Variants in DAB2IP observed in about 807,000 individuals in gnomAD.
The protein encoded by DAB2IP is disabled homolog 2-interacting protein.
A neutral mutation model predicts 107.2 loss-of-function variants in DAB2IP; 28 were observed. The ratio of observed to expected loss-of-function variants is 0.26; its 90% CI spans 0.19 to 0.36. The LOEUF (loss-of-function observed/expected upper bound fraction) is 0.36, where lower values mean the gene tolerates loss of function less well. Among genes scored for constraint, DAB2IP ranks in the 10% least tolerant of loss-of-function variants. DAB2IP has a pLI of 1.00. For missense variants in DAB2IP, 1,400 were observed against 1,644.7 expected, an observed-to-expected ratio of 0.85 and a Z score of 2.57; for synonymous variants, 755 against 706.4, an observed-to-expected ratio of 1.07 and a Z score of -1.09.
rs1440857421 is a variant in DAB2IP at position 121,760,068 on chromosome 9, C to T, written c.799C>T (p.Pro267Ser). Reference sequence around the variant, plus strand: ...GCACTTCGAGTTCCACAACTTGCCGCCTCTGCGCACGGTCACTGTCCACCT... The same window carrying T: ...GCACTTCGAGTTCCACAACTTGCCGTCTCTGCGCACGGTCACTGTCCACCT... The change falls in exon 6 of 16, where the codon CCT becomes TCT. Residue 267 changes from proline (P) to serine (S), a missense_variant. Around this residue, in one of 3 missense-constraint regions of DAB2IP, gnomAD observed 517 missense variants for 748.6 expected, o/e 0.69. Coordinates refer to ENST00000408936, the Ensembl canonical transcript of DAB2IP. The surrounding 1 kb of genome is among the most constrained non-coding windows in gnomAD (Gnocchi z 5.9). 3.7e-6 allele frequency: 6 copies of T among 1,614,086 alleles called. No individual in the cohort carries two copies. In the South Asian group the frequency reaches 6.6e-5, roughly 18 times the overall value.
At chr9:121,690,272 G>A (rs1000510028) in intron 2 of DAB2IP, among the ~76,000 whole-genome samples, 9 of 152,080 alleles carry the variant, frequency 5.9e-5, no homozygotes, top group Non-Finnish European at 1.0e-4. Flanking sequence ...TTTTGCTGGG[G>A]AATGAGCACT....
chr9:121,569,725 G>A (rs1829889679), intron 1 of DAB2IP, among the ~76,000 whole-genome samples: 1 of 152,204 alleles, frequency 6.6e-6, no homozygotes, highest in Non-Finnish European at 1.5e-5. Flanking sequence ...GGAGGCTGAG[G>A]CATAAGAACC....
At chr9:121,769,617 A>G (rs1414236739) in intron 10 of DAB2IP, among the ~76,000 whole-genome samples, 1 of 152,188 alleles carries the variant, frequency 6.6e-6, no homozygotes, top group Non-Finnish European at 1.5e-5. Context: ...TCCTGTTGCA[A>G]TCAAAGGCCA....
intron 10 of DAB2IP, among the ~76,000 whole-genome samples, chr9:121,769,426 C>G (rs1475870835): frequency 1.3e-5 from 2 of 152,348 alleles, no homozygotes; most frequent in African/African-American, 4.8e-5. Context: ...AAAGCAAGAA[C>G]ATACTGTGTA....
Position 121,776,118 on chromosome 9 carries a change from C to G in DAB2IP, c.3121-80C>G. Reference sequence around the variant, plus strand: ...GCCTTTCAAGTGGGGCTCCCTCCTACCCTTCCTCCCACTCGGGCTGACGAA... The same window carrying G: ...GCCTTTCAAGTGGGGCTCCCTCCTAGCCTTCCTCCCACTCGGGCTGACGAA... On this transcript the variant is annotated intron_variant, in intron 13 of 15. Coordinates refer to ENST00000408936, the Ensembl canonical transcript of DAB2IP. The surrounding 1 kb of genome is among the most constrained non-coding windows in gnomAD (Gnocchi z 5.4). The G allele has an allele frequency of 6.7e-7, 1 of 1,501,118 alleles. No homozygotes were observed. Among genetic ancestry groups the G allele is most frequent in the Non-Finnish European group, 9.0e-7 (1 of 1,113,858 alleles). The allele number at this position is 1,501,118 out of a possible 1,614,324, so 93.0% of individuals were successfully genotyped here.
At chr9:121,685,073 T>C (rs1219425214) in intron 2 of DAB2IP, among the ~76,000 whole-genome samples, 1 of 152,168 alleles carries the variant, frequency 6.6e-6, no homozygotes, top group Non-Finnish European at 1.5e-5. Context: ...GTCAGTCTCC[T>C]GACCCAGCAT....
intron 1 of DAB2IP, among the ~76,000 whole-genome samples, chr9:121,628,045 C>G (rs1393860209): frequency 6.6e-6 from 1 of 152,186 alleles, no homozygotes; most frequent in Admixed American, 6.5e-5. Context: ...GGAAAGTGGT[C>G]ATTGCTAAGA....
chr9:121,691,332 G>C (rs1444981236), intron 2 of DAB2IP, among the ~76,000 whole-genome samples: 3 of 152,032 alleles, frequency 2.0e-5, no homozygotes, highest in Non-Finnish European at 2.9e-5. Flanking sequence ...CATCCGGGGA[G>C]GCCTCTAAGA....
At chr9:121,642,064 T>TTTCTTTCTTTCTTTCTTTCTTTCTTTCG in intron 1 of DAB2IP, among the ~76,000 whole-genome samples, 1 of 117,696 alleles carries the variant, frequency 8.5e-6, no homozygotes, top group Non-Finnish European at 1.6e-5. Flanking sequence ...TCTTTCTTTC[T>TTTCTTTCTTTCTTTCTTTCTTTCTTTCG]TTCTTTCTTT....
rs564151280 is a variant in DAB2IP, at chr9:121,683,584, GA to G, written c.228+4804del. 3.9e-4 allele frequency among the ~76,000 whole-genome samples: 59 copies of G among 152,332 alleles called. 1 individual carries two copies. Among genetic ancestry groups the G allele is most frequent in the Non-Finnish European group, 4.0e-4 (27 of 68,032 alleles). ...GAGATGGAGAAGGAGAAGTGTCAGG[GA>G]GGGGAAGGCCCAGGGGTCTGGCAGA... On this transcript the variant is annotated intron_variant, in intron 2 of 15. Transcript: ENST00000408936.
At position 121,662,939 on chromosome 9, in the gene DAB2IP, C is replaced by A. The variant is rs557389893; in HGVS notation, c.124+11040C>A. ...AGAAAAGAATCGTGGGAAGAAAACT[C>A]CAGAAGAAAAAATGGGGAAAGTGAC... On this transcript the variant is annotated intron_variant, in intron 1 of 15. Coordinates refer to ENST00000408936, the Ensembl canonical transcript of DAB2IP. The surrounding 1 kb of genome is among the most constrained non-coding windows in gnomAD (Gnocchi z 4.6). 2.0e-5 allele frequency among the ~76,000 whole-genome samples: 3 copies of A among 152,176 alleles called. No homozygotes were observed. Among genetic ancestry groups the A allele is most frequent in the African/African-American group, 4.8e-5 (2 of 41,502 alleles).
At chr9:121,741,658 C>T (rs1465645490) in intron 3 of DAB2IP, among the ~76,000 whole-genome samples, 1 of 151,926 alleles carries the variant, frequency 6.6e-6, no homozygotes, top group African/African-American at 2.4e-5. Context: ...CTGGAAATCA[C>T]TGAGGGTCCT....
chr9:121,666,872 A>G (rs1432836232), intron 1 of DAB2IP, among the ~76,000 whole-genome samples: 1 of 75,698 alleles, frequency 1.3e-5, no homozygotes, highest in Non-Finnish European at 3.0e-5. Context: ...GCCCCAACAC[A>G]CACACACACA....
At chr9:121,749,523 C>T (rs1157384964) in intron 3 of DAB2IP, among the ~76,000 whole-genome samples, 2 of 152,202 alleles carry the variant, frequency 1.3e-5, no homozygotes, top group African/African-American at 4.8e-5. Context: ...TCCAGGATTT[C>T]TCTTCCTTCC....
chr9:121,732,887 G>A lies in DAB2IP; in HGVS notation c.363-24126G>A, dbSNP rs536188395. Among the ~76,000 whole-genome samples, 7 of 152,232 alleles carry A rather than the reference G, an allele frequency of 4.6e-5. No homozygotes were observed. The East Asian group carries it at 9.7e-4, about 21-fold the overall frequency. Reference sequence around the variant, plus strand: ...AGATAATGTCTGTAAAATACCTAGCGCTGGGCCTGGCACATAGCAGGTGCC... The same window carrying A: ...AGATAATGTCTGTAAAATACCTAGCACTGGGCCTGGCACATAGCAGGTGCC... On this transcript the variant is annotated intron_variant, in intron 3 of 15. Transcript: ENST00000408936.
At chr9:121,641,935 T>TTCTTTCTTTCTTTCTTTCTC (rs1554718106) in intron 1 of DAB2IP, among the ~76,000 whole-genome samples, 10 of 113,634 alleles carry the variant, frequency 8.8e-5, no homozygotes, top group Non-Finnish European at 1.0e-4. Flanking sequence ...CTTTCTTTCT[T>TTCTTTCTTTCTTTCTTTCTC]TCTCTCTTTC....
chr9:121,748,995 G>A (rs76622693), intron 3 of DAB2IP, among the ~76,000 whole-genome samples: 3,958 of 152,312 alleles, frequency 0.026, 78 homozygotes, highest in Non-Finnish European at 0.04. Context: ...AGGGAACCCT[G>A]GGTTGAGAGG....
chr9:121,581,269 T>G (rs1830188683), intron 1 of DAB2IP, among the ~76,000 whole-genome samples: 1 of 152,164 alleles, frequency 6.6e-6, no homozygotes, highest in African/African-American at 2.4e-5. Context: ...GTTCCTGGAC[T>G]GGCTACCTTC....
At chr9:121,666,818 A>G (rs1200243305) in intron 1 of DAB2IP, among the ~76,000 whole-genome samples, 2 of 150,678 alleles carry the variant, frequency 1.3e-5, no homozygotes, top group African/African-American at 4.9e-5. Flanking sequence ...TTATCAATGC[A>G]TTATTTTAGC....
Sources: allele counts gnomAD v4.1 joint callset (sites outside exome capture counted in the v4.1 genomes callset), GRCh38; gene constraint gnomAD v4.1.1; regional missense constraint gnomAD v4.1.1; non-coding constraint Gnocchi (gnomAD v3.1); transcripts MANE v1.5; gene names NCBI Gene and HGNC (gene_info 2026-07-23, HGNC 2026-07-21).